Variants in ATP2B4 observed in about 807,000 individuals in gnomAD.
The protein encoded by ATP2B4 is plasma membrane calcium-transporting ATPase 4.
Under a neutral mutation model 110.3 loss-of-function variants are expected in ATP2B4, and 39 were observed. That is an observed-to-expected ratio of 0.35 (90% CI 0.27 to 0.46). The LOEUF is 0.46. Ranked by LOEUF, ATP2B4 falls within the 20% of genes least tolerant of loss-of-function variation. ATP2B4 has a pLI of 1.00. For missense variants in ATP2B4, 1,135 were observed against 1,530.9 expected (o/e 0.74, Z 4.32); for synonymous variants, 538 against 571.7 (o/e 0.94, Z 0.84).
chr1:203,715,345 G>C (rs1018709213), intron 15 of ATP2B4, among the ~76,000 whole-genome samples: 1 of 143,128 alleles, frequency 7.0e-6, no homozygotes, highest in African/African-American at 2.6e-5. Flanking sequence ...CTGAGGTCAG[G>C]AGTTCGAGAC....
chr1:203,678,388 G>C (rs1030999294), intron 1 of ATP2B4, among the ~76,000 whole-genome samples: 2 of 135,230 alleles, frequency 1.5e-5, no homozygotes, highest in Non-Finnish European at 3.1e-5. Flanking sequence ...CTCATTTCTA[G>C]AGGCTTTTTT....
chr1:203,642,121 G>A (rs945081636), intron 1 of ATP2B4, among the ~76,000 whole-genome samples: 7 of 151,636 alleles, frequency 4.6e-5, no homozygotes, highest in Non-Finnish European at 8.8e-5. Flanking sequence ...TCACTTTTTC[G>A]CCCAGGCTGG....
chr1:203,686,816 C>T (rs546637525), intron 2 of ATP2B4, among the ~76,000 whole-genome samples: 1 of 148,446 alleles, frequency 6.7e-6, no homozygotes, highest in Non-Finnish European at 1.5e-5. Flanking sequence ...GCTTCAGACT[C>T]CCAAGTAGCT....
intron 1 of ATP2B4, chr1:203,657,445 CT>C: frequency 1.3e-6 from 1 of 784,298 alleles, no homozygotes; most frequent in Non-Finnish European, 2.3e-6. Flanking sequence ...TTGGAAAGTA[CT>C]TTGGCTCGAG....
Position 203,683,387 on chromosome 1 carries a change from C to T in ATP2B4, c.182C>T (p.Ser61Phe), listed in dbSNP as rs1458311429. The T allele has an allele frequency of 1.2e-6, 2 of 1,610,194 alleles. No homozygotes were observed. The highest frequency in any genetic ancestry group is 1.7e-6 in the Non-Finnish European group (2 of 1,177,652). ...AATCTCTGCAGTAGACTGAAAACCT[C>T]CCCTGTGGAAGGTAAAGGCCATATC... Reference protein sequence around the residue: ...VQNLCSRLKTSPVEGLSGNPA... With the variant: ...VQNLCSRLKTFPVEGLSGNPA... Residue 61 changes from serine (S) to phenylalanine (F), a missense_variant, in exon 2 of 21, where the codon TCC becomes TTC. Physicochemically the swap from Ser to Phe is radical, Grantham distance 155. This residue lies in a region of ATP2B4 where 122 missense variants were observed against 125.2 expected (regional missense o/e 0.97). Transcript: ENST00000357681.
chr1:203,692,645 G>T (rs1487379512), intron 2 of ATP2B4, among the ~76,000 whole-genome samples: 1 of 152,160 alleles, frequency 6.6e-6, no homozygotes, highest in Non-Finnish European at 1.5e-5. Flanking sequence ...TCAGACAGCT[G>T]GGAAGTCCCT....
intron 2 of ATP2B4, among the ~76,000 whole-genome samples, chr1:203,687,754 T>TTCTAAAGGCAGGTGGGACTTAATTA (rs1429555233): frequency 6.6e-6 from 1 of 152,156 alleles, no homozygotes; most frequent in East Asian, 1.9e-4. Context: ...ATTTACACAA[T>TTCTAAAGGCAGGTGGGACTTAATTA]TCTAAAGGCA....
In ATP2B4 at chr1:203,629,118, G is replaced by A. The variant is rs1663181017; in HGVS notation, c.-465+1899G>A. ...CATCTCGGGGCTGGGGATGCAACAG[G>A]AACGATTTGATTTTCACTTTGAGGT... is the stretch of plus-strand genomic sequence containing the variant. On this transcript the variant is annotated intron_variant, in intron 1 of 20. Coordinates refer to ENST00000357681, the MANE Select transcript of ATP2B4 (RefSeq NM_001684.5). The surrounding 1 kb of genome is among the most constrained non-coding windows in gnomAD (Gnocchi z 4.6). Among the ~76,000 whole-genome samples, 1 of 152,168 alleles carries A rather than the reference G, an allele frequency of 6.6e-6. No homozygotes were observed. The highest frequency in any genetic ancestry group is 1.5e-5 in the Non-Finnish European group (1 of 68,024).
chr1:203,658,130 TAATA>T (rs1223427064), intron 1 of ATP2B4, among the ~76,000 whole-genome samples: 2 of 152,006 alleles, frequency 1.3e-5, no homozygotes, highest in South Asian at 2.1e-4. Flanking sequence ...ACCAAAACAA[TAATA>T]AATAACCAGG....
chr1:203,733,067 T>C (rs1666778060), intron 20 of ATP2B4, among the ~76,000 whole-genome samples: 1 of 152,200 alleles, frequency 6.6e-6, no homozygotes, highest in South Asian at 2.1e-4. Context: ...CATTGCTTTT[T>C]GTGGGAGGGA....
At chr1:203,735,025 A>C (rs1416615639) in intron 20 of ATP2B4, among the ~76,000 whole-genome samples, 1 of 145,644 alleles carries the variant, frequency 6.9e-6, no homozygotes, top group African/African-American at 2.5e-5. Context: ...AAAAAAAAAA[A>C]CGAAGAAAAA....
chr1:203,669,656 C>T (rs1421562470), intron 1 of ATP2B4, among the ~76,000 whole-genome samples: 4 of 152,132 alleles, frequency 2.6e-5, no homozygotes, highest in Non-Finnish European at 5.9e-5. Context: ...AGGCTGGTCT[C>T]GAACTCCCGA....
At chr1:203,713,649 G>A (rs1314763333) in intron 14 of ATP2B4, among the ~76,000 whole-genome samples, 1 of 151,994 alleles carries the variant, frequency 6.6e-6, no homozygotes, top group Non-Finnish European at 1.5e-5. Context: ...ATTCTTAGTA[G>A]AGACAAGGTT....
chr1:203,714,986 C>T (rs75941164), intron 15 of ATP2B4, among the ~76,000 whole-genome samples: 2,428 of 152,104 alleles, frequency 0.016, 72 homozygotes, highest in African/African-American at 0.056. Flanking sequence ...TTGACAGGTA[C>T]CTGTCACTCA....
intron 1 of ATP2B4, chr1:203,656,873 T>C: frequency 2.2e-6 from 1 of 458,940 alleles, no homozygotes. Flanking sequence ...ATCTCTTGAT[T>C]GCAGACATAT....
intron 1 of ATP2B4, among the ~76,000 whole-genome samples, chr1:203,663,332 CTT>C (rs1219831980): frequency 6.6e-6 from 1 of 151,934 alleles, no homozygotes; most frequent in Non-Finnish European, 1.5e-5. Context: ...TTCCTCCACC[CTT>C]TTTTGTTCTC....
rs750906503 is a variant in ATP2B4 at position 203,710,937 on chromosome 1, T to A, written c.1860T>A (p.Asp620Glu). 11 of 1,613,950 alleles carry A rather than the reference T, an allele frequency of 6.8e-6. No homozygotes were observed. In the Admixed American group the frequency reaches 1.7e-4, roughly 24 times the overall value. The change falls in exon 12 of 21, where the codon GAT becomes GAA. Residue 620 changes from aspartate to glutamate, a missense_variant. Asp to Glu is a conservative substitution (Grantham distance 45). Coordinates refer to ENST00000357681, the MANE Select transcript of ATP2B4 (RefSeq NM_001684.5). ...TGCCATTCAAGAATAAAGACAGAGA[T>A]GATATGGTACGCACTGTCATCGAGC... Reference protein sequence around the residue: ...EAVPFKNKDRDDMVRTVIEPM... With the variant: ...EAVPFKNKDREDMVRTVIEPM...
intron 1 of ATP2B4, among the ~76,000 whole-genome samples, chr1:203,677,062 T>G (rs7534528): frequency 0.74 from 112,704 of 151,858 alleles, 42,366 homozygotes; most frequent in Middle Eastern, 0.85. Flanking sequence ...TTGAGGCAAG[T>G]TGGCTTTGAA....
At chr1:203,728,265 A>G (rs1244004836) in intron 20 of ATP2B4, 1 of 456,714 alleles carries the variant, frequency 2.2e-6, no homozygotes, top group Non-Finnish European at 4.5e-6. Context: ...TGCTGCTCTT[A>G]TGTCCCCTGT....
Sources: allele counts gnomAD v4.1 joint callset (sites outside exome capture counted in the v4.1 genomes callset), GRCh38; gene constraint gnomAD v4.1.1; regional missense constraint gnomAD v4.1.1; non-coding constraint Gnocchi (gnomAD v3.1); transcripts MANE v1.5; gene names NCBI Gene and HGNC (gene_info 2026-07-23, HGNC 2026-07-21).